Variants in RAB27A observed in about 807,000 individuals in gnomAD.
RAB27A encodes the protein RAB27A, member RAS oncogene family, also known as ras-related protein Rab-27A.
Under a neutral mutation model 20.8 loss-of-function variants are expected in RAB27A, and 17 were observed. The observed-to-expected ratio is 0.82, with a 90% CI of 0.56 to 1.23. The LOEUF (loss-of-function observed/expected upper bound fraction) is 1.23. RAB27A is among the 50% of genes most tolerant of loss of function. RAB27A has a pLI of 0.00. For missense variants in RAB27A, 277 were observed against 266.7 expected (o/e 1.04, Z -0.27); for synonymous variants, 85 against 92.8 (o/e 0.92, Z 0.48).
chr15:55,306,237 G>A (rs767295903), intron 2 of RAB27A, among the ~76,000 whole-genome samples: 1 of 152,182 alleles, frequency 6.6e-6, no homozygotes, highest in Non-Finnish European at 1.5e-5. Context: ...TACTAAAACG[G>A]AAGTGGTGTT....
intron 2 of RAB27A, among the ~76,000 whole-genome samples, chr15:55,308,603 C>T (rs997463346): frequency 5.3e-5 from 8 of 152,366 alleles, no homozygotes; most frequent in South Asian, 2.1e-4. Context: ...GGGTCCCCCT[C>T]GAGCGGTGTA....
rs1457449449 is a variant in RAB27A at position 55,209,928 on chromosome 15, ATATG to A, written c.468-4227_468-4224del. On this transcript the variant is annotated intron_variant, in intron 6 of 6. Transcript: ENST00000336787. ...TGTGTGTGTATGTATATACACACAT[ATATG>A]TATGTACATGTACACACATACGCAT... Among the ~76,000 whole-genome samples the A allele has an allele frequency of 1.5e-4, 18 of 120,344 alleles. 2 individuals carry two copies. Among genetic ancestry groups the A allele is most frequent in the Non-Finnish European group, 2.0e-4 (12 of 61,348 alleles). 79.0% of individuals were successfully genotyped at this position (120,344 alleles called of 152,430 possible).
At chr15:55,212,790 A>G (rs1038921788) in intron 6 of RAB27A, among the ~76,000 whole-genome samples, 1 of 152,182 alleles carries the variant, frequency 6.6e-6, no homozygotes, top group Non-Finnish European at 1.5e-5. Flanking sequence ...CGGCCTCCCA[A>G]AGTGCTGGGA....
intron 1 of RAB27A, among the ~76,000 whole-genome samples, chr15:55,279,998 A>G (rs1263130817): frequency 6.6e-6 from 1 of 152,170 alleles, no homozygotes; most frequent in African/African-American, 2.4e-5. Flanking sequence ...CAGATTCAGT[A>G]GGTCTGGAGT....
At chr15:55,303,082 TG>T (rs1184977753) in intron 2 of RAB27A, among the ~76,000 whole-genome samples, 12 of 87,468 alleles carry the variant, frequency 1.4e-4, no homozygotes, top group South Asian at 4.4e-4. Flanking sequence ...GGGAGGGAGG[TG>T]GGGGGGTCAG....
intron 2 of RAB27A, among the ~76,000 whole-genome samples, chr15:55,269,452 A>G (rs1897627929): frequency 1.3e-5 from 2 of 152,202 alleles, no homozygotes; most frequent in Non-Finnish European, 2.9e-5. Context: ...CATTAAAACT[A>G]TTAACACTTT....
chr15:55,269,747 A>G (rs1310542638), intron 2 of RAB27A: 1 of 152,254 alleles, frequency 6.6e-6, no homozygotes, highest in Admixed American at 6.5e-5. Flanking sequence ...TCTCAAATTT[A>G]AAAAACAAAA....
chr15:55,303,690 G>A lies in RAB27A; in HGVS notation c.-112+10349C>T, dbSNP rs1329115930. Among the ~76,000 whole-genome samples, 463 of 121,690 alleles carry A rather than the reference G, an allele frequency of 3.8e-3. 7 individuals are homozygous for A. Among genetic ancestry groups the A allele is most frequent in the African/African-American group, 0.015 (432 of 29,706 alleles). 79.8% of individuals were successfully genotyped at this position (121,690 alleles called of 152,430 possible). ...GGTCAGCCCCCCTGCCCGGCCAGCCGCCCCGTCCGGGAGGTGAGGGGCACC... is the reference window on the plus strand; with the variant it reads ...GGTCAGCCCCCCTGCCCGGCCAGCCACCCCGTCCGGGAGGTGAGGGGCACC... On this transcript the variant is annotated intron_variant, in intron 2 of 5. Transcript: ENST00000563262.
chr15:55,299,235 A>T (rs1238589925), intron 2 of RAB27A, among the ~76,000 whole-genome samples: 1 of 152,208 alleles, frequency 6.6e-6, no homozygotes, highest in African/African-American at 2.4e-5. Flanking sequence ...AATGTCCATA[A>T]AATCTTCACA....
At chr15:55,217,497 TA>T (rs67576400) in intron 6 of RAB27A, among the ~76,000 whole-genome samples, 32,665 of 149,980 alleles carry the variant, frequency 0.22, 3,835 homozygotes, top group African/African-American at 0.28. Flanking sequence ...TCGTCTTTAC[TA>T]AAAAAAATAT....
intron 2 of RAB27A, among the ~76,000 whole-genome samples, chr15:55,244,294 G>A (rs554820487): frequency 1.1e-4 from 16 of 152,146 alleles, no homozygotes; most frequent in Non-Finnish European, 2.1e-4. Flanking sequence ...CGGCCTGGGA[G>A]ACAGAGGGAG....
chr15:55,214,593 A>G (rs1422610644), intron 6 of RAB27A, among the ~76,000 whole-genome samples: 1 of 152,210 alleles, frequency 6.6e-6, no homozygotes, highest in Non-Finnish European at 1.5e-5. Context: ...AAAATATCTT[A>G]ATCAGAAAAA....
At chr15:55,297,208 G>A (rs930598116) in intron 2 of RAB27A, among the ~76,000 whole-genome samples, 2 of 152,226 alleles carry the variant, frequency 1.3e-5, no homozygotes, top group African/African-American at 4.8e-5. Flanking sequence ...GCCTTCTTTT[G>A]AGATCATCTT....
At chr15:55,236,749 G>C (rs1359763368) in intron 2 of RAB27A, among the ~76,000 whole-genome samples, 1 of 151,806 alleles carries the variant, frequency 6.6e-6, no homozygotes, top group Non-Finnish European at 1.5e-5. Context: ...TATTTTTATG[G>C]GGTACATGTA....
intron 5 of RAB27A, among the ~76,000 whole-genome samples, 180 bp downstream of exon 5, chr15:55,228,429 C>T (rs963324041): frequency 6.6e-6 from 1 of 152,144 alleles, no homozygotes; most frequent in Non-Finnish European, 1.5e-5. Flanking sequence ...GTTATCAGTA[C>T]CAGGGAGAAG....
intron 2 of RAB27A, among the ~76,000 whole-genome samples, chr15:55,257,961 C>G (rs1337592175): frequency 6.6e-6 from 1 of 151,580 alleles, no homozygotes; most frequent in Admixed American, 6.6e-5. Context: ...CCACTGCACT[C>G]CAGGCTGAGG....
chr15:55,241,858 T>A (rs531020733), intron 2 of RAB27A, among the ~76,000 whole-genome samples: 10 of 151,884 alleles, frequency 6.6e-5, no homozygotes, highest in African/African-American at 2.4e-4. Context: ...ACCCCTGAAC[T>A]TAAGTTGAAG....
chr15:55,277,441 G>C (rs1031576538), intron 1 of RAB27A, among the ~76,000 whole-genome samples: 1 of 152,162 alleles, frequency 6.6e-6, no homozygotes, highest in African/African-American at 2.4e-5. Flanking sequence ...CCAGGAGTTC[G>C]AGACCAGCCT....
chr15:55,266,059 TTG>T (rs1182275698), intron 2 of RAB27A, among the ~76,000 whole-genome samples: 1 of 152,174 alleles, frequency 6.6e-6, no homozygotes, highest in Non-Finnish European at 1.5e-5. Context: ...GACTGAATGT[TTG>T]TGTCTCCCCA....
Sources: gnomAD v4.1 joint callset for allele counts (sites outside exome capture counted in the v4.1 genomes callset) on GRCh38, gnomAD v4.1.1 for gene constraint, MANE v1.5 for transcripts, NCBI Gene and HGNC (gene_info 2026-07-23, HGNC 2026-07-21) for gene names.